Variants in RBM47 observed in about 807,000 individuals in gnomAD.
The protein encoded by RBM47 is RNA binding motif protein 47.
A neutral mutation model predicts 47.1 loss-of-function variants in RBM47; 21 were observed. That is an observed-to-expected ratio of 0.45 (90% CI 0.32 to 0.64). The LOEUF is 0.64. RBM47 is among the 30% of genes least tolerant of loss of function. The pLI, the probability that RBM47 is intolerant of heterozygous loss-of-function variation, is 0.05. For synonymous variants in RBM47, 375 were observed against 361.7 expected (o/e 1.04, Z -0.42); for missense variants, 708 against 870.9 (o/e 0.81, Z 2.35).
chr4:40,590,526 C>T (rs938049473), intron 1 of RBM47, among the ~76,000 whole-genome samples: 3 of 152,196 alleles, frequency 2.0e-5, no homozygotes, highest in Non-Finnish European at 4.4e-5. Flanking sequence ...CCCCAGTCTC[C>T]AAGCCTTAGA....
chr4:40,426,097 C>T lies in RBM47; in HGVS notation c.1589G>A (p.Arg530Lys). 6.2e-7 allele frequency: 1 copy of T among 1,614,210 alleles called. No homozygotes were observed. ...PVYTVAPNVQ[R>K]IPTAGIYGAS... ...CCCGTAGATCCCGGCAGTAGGAATT[C>T]TCTGAACGTTTGGAGCCACCGTGTA... is the stretch of plus-strand genomic sequence containing the variant. The change falls in exon 7 of 7, where the codon AGA (arginine) becomes AAA (lysine). Residue 530 changes from arginine (R) to lysine (K), a missense_variant. By Grantham distance (26) the Arg-to-Lys change is conservative. Coordinates refer to ENST00000295971, the MANE Select transcript of RBM47 (RefSeq NM_001098634.2).
In RBM47 at chr4:40,534,417, T is replaced by C. The variant is rs866568740; in HGVS notation, c.-155+10005A>G. Among the ~76,000 whole-genome samples the C allele has an allele frequency of 3.3e-5, 5 of 152,198 alleles. No individual in the cohort carries two copies. The East Asian group carries it at 9.6e-4, about 29-fold the overall frequency. ...AGGGTTACAGCAAGTTCCTTAGTGA[T>C]GTGGGAGCTAGAGGCCAAAATAGAA... is the stretch of plus-strand genomic sequence containing the variant. On this transcript the variant is annotated intron_variant, in intron 2 of 6. Transcript: ENST00000295971.
intron 2 of RBM47, among the ~76,000 whole-genome samples, chr4:40,530,321 C>T (rs936679264): frequency 5.3e-5 from 8 of 150,554 alleles, no homozygotes; most frequent in African/African-American, 1.7e-4. Context: ...TTCTTTTTTT[C>T]GAGATGGAGT....
intron 1 of RBM47, among the ~76,000 whole-genome samples, chr4:40,587,022 T>C (rs953429276): frequency 6.6e-6 from 1 of 152,154 alleles, no homozygotes; most frequent in Non-Finnish European, 1.5e-5. Context: ...TAAAGGGAAC[T>C]TCCTGCTCCG....
intron 2 of RBM47, among the ~76,000 whole-genome samples, chr4:40,540,055 A>G (rs1258280501): frequency 6.6e-6 from 1 of 152,120 alleles, no homozygotes; most frequent in Non-Finnish European, 1.5e-5. Context: ...ATGTTTTACT[A>G]TTTTTATTTT....
chr4:40,437,671 C>G, intron 4 of RBM47, 100 bp downstream of exon 4: 1 of 1,282,908 alleles, frequency 7.8e-7, no homozygotes. Flanking sequence ...GCCTTCAGCA[C>G]CTACCAGCTC....
chr4:40,600,999 A>AGAAAG lies in RBM47; in HGVS notation c.-240+28396_-240+28397insCTTTC, dbSNP rs1553907562. Among the ~76,000 whole-genome samples the AGAAAG allele has an allele frequency of 9.8e-4, 145 of 147,364 alleles. 3 individuals carry two copies. Among genetic ancestry groups the AGAAAG allele is most frequent in the African/African-American group, 3.5e-3 (135 of 38,052 alleles). Reference sequence around the variant, plus strand: ...AAACTCCGTCTCAAAAAAAAAAAAAAAAAGAAAGAAGAACATAAAAAAGAT... The same window carrying AGAAAG: ...AAACTCCGTCTCAAAAAAAAAAAAAAGAAAGAAAGAAAGAAGAACATAAAAAAGAT... On this transcript the variant is annotated intron_variant, in intron 1 of 6. Coordinates refer to ENST00000295971, the MANE Select transcript of RBM47 (RefSeq NM_001098634.2).
intron 2 of RBM47, among the ~76,000 whole-genome samples, chr4:40,518,151 T>C (rs1024875860): frequency 2.9e-5 from 4 of 140,238 alleles, no homozygotes; most frequent in Admixed American, 8.3e-5. Flanking sequence ...ATTGTTTCTT[T>C]TCTTTTCTTT....
At chr4:40,510,709 G>T (rs1381724724) in intron 2 of RBM47, among the ~76,000 whole-genome samples, 1 of 152,110 alleles carries the variant, frequency 6.6e-6, no homozygotes, top group Non-Finnish European at 1.5e-5. Flanking sequence ...GTAGAAAGGA[G>T]AAAAGAAAGA....
chr4:40,449,739 C>T (rs1454116007), intron 3 of RBM47, among the ~76,000 whole-genome samples: 1 of 152,140 alleles, frequency 6.6e-6, no homozygotes, highest in Non-Finnish European at 1.5e-5. Context: ...AGTGCAGTGG[C>T]GCCATCTCAG....
intron 2 of RBM47, among the ~76,000 whole-genome samples, chr4:40,467,822 C>T (rs369328283): frequency 6.6e-6 from 1 of 152,276 alleles, no homozygotes; most frequent in East Asian, 1.9e-4. Flanking sequence ...TTCCAAACTA[C>T]AGAGAGCCCC....
At chr4:40,493,534 A>G (rs2154247344) in intron 2 of RBM47, among the ~76,000 whole-genome samples, 1 of 152,308 alleles carries the variant, frequency 6.6e-6, no homozygotes, top group Non-Finnish European at 1.5e-5. Context: ...CTGTAATCAC[A>G]GCACTTTGGG....
In RBM47 at chr4:40,606,524, C is replaced by T. The variant is rs78273878; in HGVS notation, c.-240+22872G>A. 5.6e-3 allele frequency among the ~76,000 whole-genome samples: 847 copies of T among 152,308 alleles called. 5 individuals are homozygous for T. The highest frequency in any genetic ancestry group is 0.024 in the Middle Eastern group (7 of 294). Reference sequence around the variant, plus strand: ...GCACCCTCTTTGCCCTTTAGCCCCACCTGGACAGTTTCACCGACGGCCCGC... The same window carrying T: ...GCACCCTCTTTGCCCTTTAGCCCCATCTGGACAGTTTCACCGACGGCCCGC... On this transcript the variant is annotated intron_variant, in intron 1 of 6. Transcript: ENST00000295971.
At chr4:40,529,751 C>T (rs1577893492) in intron 2 of RBM47, among the ~76,000 whole-genome samples, 1 of 149,714 alleles carries the variant, frequency 6.7e-6, no homozygotes, top group African/African-American at 2.4e-5. Context: ...ATTGCCTGAA[C>T]CCGGAAGGCG....
At chr4:40,599,626 A>G (rs4241704) in intron 1 of RBM47, among the ~76,000 whole-genome samples, 1 of 151,704 alleles carries the variant, frequency 6.6e-6, no homozygotes, top group Admixed American at 6.6e-5. Flanking sequence ...CCAACCACCC[A>G]GCAGGAGAGG....
Position 40,581,392 on chromosome 4 carries a change from G to C in RBM47, c.-239-36886C>G, listed in dbSNP as rs189323310. On this transcript the variant is annotated intron_variant, in intron 1 of 6. Coordinates refer to ENST00000295971, the MANE Select transcript of RBM47 (RefSeq NM_001098634.2). ...AGCCGAGCTCACACCACTGCTTCCA[G>C]CCTGGGTGACAGAGCGAGAACTTGT... Among the ~76,000 whole-genome samples the C allele has an allele frequency of 2.0e-4, 31 of 151,722 alleles. No homozygotes were observed. The East Asian group carries it at 6.0e-3, about 29-fold the overall frequency.
chr4:40,575,711 A>T (rs1352458211), intron 1 of RBM47, among the ~76,000 whole-genome samples: 1 of 152,140 alleles, frequency 6.6e-6, no homozygotes, highest in Non-Finnish European at 1.5e-5. Flanking sequence ...AACCCATGCC[A>T]GTTTGCCCAG....
chr4:40,530,507 T>C (rs980961093), intron 2 of RBM47, among the ~76,000 whole-genome samples: 2 of 151,820 alleles, frequency 1.3e-5, no homozygotes, highest in African/African-American at 4.8e-5. Context: ...TTCACTATAT[T>C]GGCCAGGCTG....
At chr4:40,534,115 G>A (rs1450419517) in intron 2 of RBM47, among the ~76,000 whole-genome samples, 5 of 150,706 alleles carry the variant, frequency 3.3e-5, no homozygotes, top group Admixed American at 1.3e-4. Context: ...CATGCCTGGC[G>A]CCTGGCTAAT....
Sources: gnomAD v4.1 joint callset for allele counts (sites outside exome capture counted in the v4.1 genomes callset) on GRCh38, gnomAD v4.1.1 for gene constraint, MANE v1.5 for transcripts, NCBI Gene and HGNC (gene_info 2026-07-23, HGNC 2026-07-21) for gene names.